The following ANKS1B variants were observed in gnomAD, a reference collection of about 807,000 sequenced individuals.
ANKS1B encodes the protein ankyrin repeat and sterile alpha motif domain-containing protein 1B.
ANKS1B carries 36 observed loss-of-function variants against 148.3 expected under a neutral mutation model. The observed-to-expected ratio is 0.24, with a 90% CI of 0.19 to 0.32. ANKS1B has a LOEUF of 0.32. Among genes scored for constraint, ANKS1B ranks in the 10% least tolerant of loss-of-function variants. The pLI is 1.00. For synonymous variants in ANKS1B, 542 were observed against 560.8 expected (o/e 0.97, Z 0.47); for missense variants, 1,157 against 1,542.6 (o/e 0.75, Z 4.19).
intron 10 of ANKS1B, among the ~76,000 whole-genome samples, chr12:99,460,924 AC>A (rs1253476693): frequency 6.6e-6 from 1 of 152,148 alleles, no homozygotes; most frequent in African/African-American, 2.4e-5. Flanking sequence ...AAGTCATTAT[AC>A]AAAAAAAGAT....
intron 9 of ANKS1B, among the ~76,000 whole-genome samples, chr12:99,516,437 C>T (rs935718716): frequency 6.6e-6 from 1 of 151,994 alleles, no homozygotes; most frequent in African/African-American, 2.4e-5. Flanking sequence ...ATGTCCTTTG[C>T]CGGGACATAG....
At chr12:99,413,239 A>T (rs1324916903) in intron 11 of ANKS1B, among the ~76,000 whole-genome samples, 1 of 152,184 alleles carries the variant, frequency 6.6e-6, no homozygotes, top group East Asian at 1.9e-4. Flanking sequence ...TTCACAGATA[A>T]TCTCAGTTAA....
rs142629209 is a variant in ANKS1B at position 98,944,428 on chromosome 12, C to G, written c.2778+108729G>C. Among the ~76,000 whole-genome samples the G allele has an allele frequency of 2.6e-3, 388 of 152,080 alleles. 5 individuals carry two copies. In the East Asian group the frequency reaches 0.049, roughly 19 times the overall value. Reference sequence around the variant, plus strand: ...AGAAGCAGATGCTGGCGCCATGCTTCCTGTATAGCTTTAGAACCATAAGCC... The same window carrying G: ...AGAAGCAGATGCTGGCGCCATGCTTGCTGTATAGCTTTAGAACCATAAGCC... On this transcript the variant is annotated intron_variant, in intron 17 of 26. Transcript: ENST00000683438.
chr12:98,739,300 G>A (rs2097787215), downstream of ANKS1B, among the ~76,000 whole-genome samples: 2 of 152,236 alleles, frequency 1.3e-5, no homozygotes, highest in South Asian at 4.1e-4. Flanking sequence ...GGCATCAGAT[G>A]CTGTCTGCTC....
At chr12:99,894,323 G>GGTAC (rs2093285656) in intron 1 of ANKS1B, among the ~76,000 whole-genome samples, 1 of 116,796 alleles carries the variant, frequency 8.6e-6, no homozygotes, top group Non-Finnish European at 1.9e-5. Flanking sequence ...GAGGGAGGGA[G>GGTAC]GGAGGGAAAG....
chr12:99,470,658 G>A (rs1481809091), intron 10 of ANKS1B, among the ~76,000 whole-genome samples: 6 of 152,062 alleles, frequency 3.9e-5, no homozygotes, highest in Admixed American at 1.3e-4. Flanking sequence ...ACAAGAGTGT[G>A]CACTTAGGCA....
At chr12:99,371,123 T>C (rs2093107672) in intron 12 of ANKS1B, among the ~76,000 whole-genome samples, 1 of 152,136 alleles carries the variant, frequency 6.6e-6, no homozygotes, top group Non-Finnish European at 1.5e-5. Context: ...TTTGTCAAAC[T>C]ACCCCTGCTT....
At chr12:99,293,913 T>A in intron 12 of ANKS1B, among the ~76,000 whole-genome samples, 1 of 151,746 alleles carries the variant, frequency 6.6e-6, no homozygotes, top group East Asian at 1.9e-4. Context: ...AGCAAGCGAG[T>A]ATGTGAAAAG....
intron 12 of ANKS1B, among the ~76,000 whole-genome samples, chr12:99,353,607 T>C (rs546673584): frequency 6.6e-6 from 1 of 152,090 alleles, no homozygotes; most frequent in African/African-American, 2.4e-5. Flanking sequence ...ACTTAGCATG[T>C]CAATTCCTGC....
At chr12:99,127,536 G>A (rs1394776449) in intron 15 of ANKS1B, among the ~76,000 whole-genome samples, 1 of 152,218 alleles carries the variant, frequency 6.6e-6, no homozygotes, top group Non-Finnish European at 1.5e-5. Context: ...AAAGTGTAAT[G>A]TTCGCTTTAA....
At chr12:99,243,395 G>C (rs1186088831) in intron 14 of ANKS1B, among the ~76,000 whole-genome samples, 1 of 152,216 alleles carries the variant, frequency 6.6e-6, no homozygotes, top group East Asian at 1.9e-4. Flanking sequence ...TGGAGAGGAC[G>C]TGGAGAAATA....
chr12:99,329,937 G>A (rs1163892449), intron 12 of ANKS1B, among the ~76,000 whole-genome samples: 1 of 151,768 alleles, frequency 6.6e-6, no homozygotes, highest in African/African-American at 2.4e-5. Context: ...CCTCTTTAAA[G>A]TGCATTCACA....
intron 8 of ANKS1B, among the ~76,000 whole-genome samples, chr12:99,721,131 A>G (rs2153554725): frequency 6.6e-6 from 1 of 152,154 alleles, no homozygotes; most frequent in East Asian, 1.9e-4. Flanking sequence ...ACAACCCCAC[A>G]ATATCACCCC....
intron 1 of ANKS1B, among the ~76,000 whole-genome samples, chr12:99,899,501 T>C (rs1027660192): frequency 6.6e-6 from 1 of 152,186 alleles, no homozygotes; most frequent in Non-Finnish European, 1.5e-5. Flanking sequence ...TATAGATCCA[T>C]CTCTAGCTGT....
At chr12:99,030,044 T>C (rs1481790485) in intron 17 of ANKS1B, among the ~76,000 whole-genome samples, 1 of 152,234 alleles carries the variant, frequency 6.6e-6, no homozygotes, top group East Asian at 1.9e-4. Context: ...GAAACCATAA[T>C]GTGTTCCCAG....
At chr12:99,638,166 T>C (rs2098261761) in intron 9 of ANKS1B, among the ~76,000 whole-genome samples, 1 of 152,086 alleles carries the variant, frequency 6.6e-6, no homozygotes, top group Non-Finnish European at 1.5e-5. Context: ...GGGACTGCTA[T>C]AAAGACACAC....
At chr12:99,518,214 T>A (rs2096841348) in intron 9 of ANKS1B, among the ~76,000 whole-genome samples, 1 of 152,126 alleles carries the variant, frequency 6.6e-6, no homozygotes. Flanking sequence ...GGTATCAGGG[T>A]AATGCTGGTC....
intron 9 of ANKS1B, among the ~76,000 whole-genome samples, chr12:99,543,594 T>C (rs929519891): frequency 6.6e-6 from 1 of 152,054 alleles, no homozygotes; most frequent in Non-Finnish European, 1.5e-5. Context: ...AATTGATGAA[T>C]GGAGAAACAC....
chr12:98,948,899 A>G (rs1199615954), intron 17 of ANKS1B, among the ~76,000 whole-genome samples: 3 of 149,910 alleles, frequency 2.0e-5, no homozygotes, highest in Non-Finnish European at 3.0e-5. Context: ...CAAATCAGGA[A>G]CAGAATAATG....
Sources: gnomAD v4.1 joint callset for allele counts (sites outside exome capture counted in the v4.1 genomes callset) on GRCh38, gnomAD v4.1.1 for gene constraint, MANE v1.5 for transcripts, NCBI Gene and HGNC (gene_info 2026-07-23, HGNC 2026-07-21) for gene names.